SHANK2: variants seen among roughly 807,000 people sequenced by gnomAD.
SHANK2 encodes SH3 and multiple ankyrin repeat domains 2.
In SHANK2, 43 loss-of-function variants were observed where a neutral mutation model predicts 133.7. That is an observed-to-expected ratio of 0.32 (90% CI 0.25 to 0.41). The LOEUF (loss-of-function observed/expected upper bound fraction) is 0.41. Ranked by LOEUF, SHANK2 falls within the 10% of genes least tolerant of loss-of-function variation. SHANK2 has a pLI of 1.00. For missense variants in SHANK2, 1,994 were observed against 2,235.8 expected (o/e 0.89, Z 2.18); for synonymous variants, 1,017 against 952.8 (o/e 1.07, Z -1.24).
chr11:70,551,438 A>G (rs2059766874), intron 17 of SHANK2, among the ~76,000 whole-genome samples: 1 of 152,036 alleles, frequency 6.6e-6, no homozygotes, highest in African/African-American at 2.4e-5. Flanking sequence ...TTCCTACCAC[A>G]TGCAGAATGT....
intron 11 of SHANK2, among the ~76,000 whole-genome samples, chr11:70,870,560 G>C (rs1949443043): frequency 6.6e-6 from 1 of 152,140 alleles, no homozygotes; most frequent in South Asian, 2.1e-4. Context: ...CATGGTTCTG[G>C]AGGTTGGAAG....
chr11:70,847,596 G>A (rs782193452), intron 11 of SHANK2, among the ~76,000 whole-genome samples: 19 of 152,312 alleles, frequency 1.2e-4, no homozygotes, highest in African/African-American at 2.6e-4. Flanking sequence ...AAACCTGCCC[G>A]AGCATCTCTC....
At chr11:70,510,616 C>T (rs1263974244) in intron 17 of SHANK2, among the ~76,000 whole-genome samples, 1 of 152,232 alleles carries the variant, frequency 6.6e-6, no homozygotes, top group East Asian at 1.9e-4. Context: ...TTTCCCTGCT[C>T]CTCCTCTGTC....
chr11:71,164,400 G>C (rs187736161), intron 2 of SHANK2, among the ~76,000 whole-genome samples: 1 of 152,272 alleles, frequency 6.6e-6, no homozygotes, highest in Non-Finnish European at 1.5e-5. Flanking sequence ...GCATGACCGG[G>C]TTCTATTCCA....
rs1344648601 is a variant in SHANK2, at chr11:70,500,860, C to T, written c.2288-270G>A. The T allele has an allele frequency of 4.3e-6, 3 of 699,026 alleles. No homozygotes were observed. Among genetic ancestry groups the T allele is most frequent in the Non-Finnish European group, 8.0e-6 (3 of 374,724 alleles). The allele number at this position is 699,026 out of a possible 1,614,324, so 43.3% of individuals were successfully genotyped here. Reference sequence around the variant, plus strand: ...GTGGAAAGGGGCTTTCCTTCTTCCTCAGCACCCCTTGTCCCACCAGCACCC... The same window carrying T: ...GTGGAAAGGGGCTTTCCTTCTTCCTTAGCACCCCTTGTCCCACCAGCACCC... On this transcript the variant is annotated intron_variant, in intron 20 of 25. Coordinates refer to ENST00000601538, the MANE Select transcript of SHANK2 (RefSeq NM_012309.5). The surrounding 1 kb of genome is among the most constrained non-coding windows in gnomAD (Gnocchi z 4.5).
At chr11:70,934,708 T>C (rs1250945577) in intron 10 of SHANK2, among the ~76,000 whole-genome samples, 2 of 152,190 alleles carry the variant, frequency 1.3e-5, no homozygotes, top group African/African-American at 2.4e-5. Context: ...TCAAATACTA[T>C]TGATTATGAT....
intron 15 of SHANK2, among the ~76,000 whole-genome samples, chr11:70,670,059 G>A (rs1200109355): frequency 6.6e-6 from 1 of 152,252 alleles, no homozygotes; most frequent in Non-Finnish European, 1.5e-5. Flanking sequence ...CATAGAGGTG[G>A]GTGGTGGGAC....
chr11:70,563,061 G>T (rs2059926892), intron 17 of SHANK2, among the ~76,000 whole-genome samples: 1 of 152,042 alleles, frequency 6.6e-6, no homozygotes, highest in Non-Finnish European at 1.5e-5. Flanking sequence ...TAGTAGAGAG[G>T]GGTTTCACCA....
At chr11:70,621,383 A>G (rs1244871059) in intron 17 of SHANK2, among the ~76,000 whole-genome samples, 1 of 152,226 alleles carries the variant, frequency 6.6e-6, no homozygotes, top group Non-Finnish European at 1.5e-5. Flanking sequence ...ACCAGCTTGG[A>G]GCCCAGCACT....
intron 2 of SHANK2, among the ~76,000 whole-genome samples, chr11:71,216,712 G>A (rs1199380902): frequency 6.6e-6 from 1 of 152,140 alleles, no homozygotes; most frequent in Non-Finnish European, 1.5e-5. Flanking sequence ...CAGCCCCAGG[G>A]ACGTCGTAGC....
At chr11:70,680,729 A>G (rs1257665097) in intron 15 of SHANK2, among the ~76,000 whole-genome samples, 1 of 152,144 alleles carries the variant, frequency 6.6e-6, no homozygotes. Context: ...ATGCCACCCC[A>G]GCCTCTCTCT....
intron 9 of SHANK2, among the ~76,000 whole-genome samples, chr11:71,062,104 C>T (rs897233761): frequency 1.2e-4 from 18 of 151,240 alleles, no homozygotes; most frequent in South Asian, 4.2e-4. Context: ...TACAGGCGCA[C>T]GCCACCATGC....
chr11:70,742,195 C>T (rs546470073), intron 14 of SHANK2, among the ~76,000 whole-genome samples: 34 of 152,330 alleles, frequency 2.2e-4, no homozygotes, highest in African/African-American at 6.3e-4. Context: ...GCCAGGGAAG[C>T]AGACAGCTTG....
intron 10 of SHANK2, among the ~76,000 whole-genome samples, chr11:70,943,326 C>T (rs1178885486): frequency 1.3e-5 from 2 of 152,140 alleles, no homozygotes; most frequent in African/African-American, 2.4e-5. Flanking sequence ...CTAGGGAGGG[C>T]ACCTATGGAG....
At chr11:71,149,747 G>T (rs185004714) in intron 2 of SHANK2, among the ~76,000 whole-genome samples, 187 of 133,572 alleles carry the variant, frequency 1.4e-3, no homozygotes, top group African/African-American at 5.8e-3. Context: ...GGAAGGAAGG[G>T]AGGAGGGGAG....
chr11:70,728,969 C>T (rs1316115483), intron 14 of SHANK2, among the ~76,000 whole-genome samples: 1 of 152,006 alleles, frequency 6.6e-6, no homozygotes, highest in Non-Finnish European at 1.5e-5. Context: ...CTTTGGGAGG[C>T]CGAGGTGGGT....
intron 15 of SHANK2, among the ~76,000 whole-genome samples, chr11:70,681,120 T>G (rs1359791035): frequency 4.6e-5 from 7 of 152,198 alleles, no homozygotes; most frequent in African/African-American, 1.7e-4. Context: ...TCTGCATCTG[T>G]GCCTTGGGGC....
At chr11:70,644,087 C>A (rs782340719) in intron 17 of SHANK2, among the ~76,000 whole-genome samples, 17 of 152,152 alleles carry the variant, frequency 1.1e-4, no homozygotes, top group Non-Finnish European at 2.2e-4. Context: ...CCAGATTTAA[C>A]AGGAAAGCCC....
At chr11:70,591,100 G>C (rs895704881) in intron 17 of SHANK2, among the ~76,000 whole-genome samples, 1 of 152,232 alleles carries the variant, frequency 6.6e-6, no homozygotes, top group African/African-American at 2.4e-5. Context: ...CCAGCACTTT[G>C]GGAGGCCGAG....
Sources: gnomAD v4.1 joint callset for allele counts (sites outside exome capture counted in the v4.1 genomes callset) on GRCh38, gnomAD v4.1.1 for gene constraint, Gnocchi (gnomAD v3.1) non-coding constraint, MANE v1.5 for transcripts, NCBI Gene and HGNC (gene_info 2026-07-23, HGNC 2026-07-21) for gene names.